FGFR1: variants seen among roughly 807,000 people sequenced by gnomAD.
FGFR1 encodes fibroblast growth factor receptor 1, also known as FGFR1/PLAG1 fusion.
A neutral mutation model predicts 93.7 loss-of-function variants in FGFR1; 18 were observed. That is an observed-to-expected ratio of 0.19 (90% CI 0.13 to 0.28). FGFR1 has a LOEUF of 0.28. Ranked by LOEUF, FGFR1 falls within the 10% of genes least tolerant of loss-of-function variation. The pLI is 1.00. For missense variants in FGFR1, 731 were observed against 1,080.4 expected (o/e 0.68, Z 4.53); for synonymous variants, 448 against 429.3 (o/e 1.04, Z -0.54).
chr8:38,423,311 AGTT>A, intron 7 of FGFR1: 4 of 351,850 alleles, frequency 1.1e-5, no homozygotes, highest in East Asian at 1.2e-4. Flanking sequence ...TTTCCCTTTT[AGTT>A]TTTTTTTTTT....
In FGFR1 at chr8:38,417,375, T is replaced by G; in HGVS notation, c.1594A>C (p.Met532Leu). The part of the protein sequence containing the change: ...EKDLSDLISE[M>L]EMMKMIGKHK... ...TTCCCGATCATCTTCATCATCTCCATTTCTGAGATCAGGTCTGACAAGTCT... is the reference window on the plus strand; with the variant it reads ...TTCCCGATCATCTTCATCATCTCCAGTTCTGAGATCAGGTCTGACAAGTCT... Residue 532 changes from methionine to leucine, a missense_variant, in exon 12 of 18, where the codon ATG becomes CTG. Around this residue, in one of 10 missense-constraint regions of FGFR1, gnomAD observed 62 missense variants for 99.5 expected, o/e 0.62. Coordinates refer to ENST00000447712, the MANE Select transcript of FGFR1 (RefSeq NM_023110.3). The G allele has an allele frequency of 1.9e-6, 3 of 1,614,082 alleles. No individual in the cohort carries two copies. Among genetic ancestry groups the G allele is most frequent in the Non-Finnish European group, 2.5e-6 (3 of 1,180,024 alleles).
chr8:38,418,523 G>A (rs1817584852), intron 9 of FGFR1, 150 bp from the exon 10 acceptor site: 7 of 1,005,030 alleles, frequency 7.0e-6, no homozygotes, highest in Non-Finnish European at 8.7e-6. Context: ...AAAGACCATG[G>A]TAGGCCAGGA....
At chr8:38,441,172 CT>C (rs1396831342) in intron 2 of FGFR1, among the ~76,000 whole-genome samples, 1 of 151,984 alleles carries the variant, frequency 6.6e-6, no homozygotes, top group Non-Finnish European at 1.5e-5. Context: ...GTGTGTGGAT[CT>C]TAAAAGACAG....
chr8:38,432,660 C>G (rs1823607977), intron 2 of FGFR1, among the ~76,000 whole-genome samples: 1 of 152,176 alleles, frequency 6.6e-6, no homozygotes, highest in African/African-American at 2.4e-5. Flanking sequence ...CTGCCTCGGC[C>G]TCCCAAAGTG....
chr8:38,413,549 A>G lies in FGFR1; in HGVS notation c.*79T>C. On this transcript the variant is annotated 3_prime_UTR_variant, in exon 18 of 18. Transcript: ENST00000447712. The surrounding 1 kb of genome is among the most constrained non-coding windows in gnomAD (Gnocchi z 4.2). ...CCAGCAGGAAAGGGGACAGGGACGGACAGGTGGTGGGCCCAGCAGGGGCTG... is the reference window on the plus strand; with the variant it reads ...CCAGCAGGAAAGGGGACAGGGACGGGCAGGTGGTGGGCCCAGCAGGGGCTG... 5 of 1,472,700 alleles carry G rather than the reference A, an allele frequency of 3.4e-6. No homozygotes were observed. Among genetic ancestry groups the G allele is most frequent in the Non-Finnish European group, 4.6e-6 (5 of 1,088,510 alleles). The allele number at this position is 1,472,700 out of a possible 1,614,324, so 91.2% of individuals were successfully genotyped here. A position where few individuals can be genotyped will look rare whatever the true frequency, so the allele number is the denominator to read the frequency against.
intron 2 of FGFR1, among the ~76,000 whole-genome samples, chr8:38,433,653 A>G (rs1372494539): frequency 1.3e-5 from 2 of 152,198 alleles, no homozygotes; most frequent in Non-Finnish European, 1.5e-5. Context: ...ACAAGAAACT[A>G]GGAAGCCTTG....
At chr8:38,419,212 C>T (rs1817828467) in intron 9 of FGFR1, among the ~76,000 whole-genome samples, 1 of 152,228 alleles carries the variant, frequency 6.6e-6, no homozygotes, top group Admixed American at 6.5e-5. Flanking sequence ...TACCCTGCAT[C>T]TCTGCACTTC....
intron 2 of FGFR1, among the ~76,000 whole-genome samples, chr8:38,441,365 A>G (rs554310209): frequency 2.0e-4 from 31 of 152,144 alleles, no homozygotes; most frequent in African/African-American, 7.2e-4. Flanking sequence ...CACAATGGGG[A>G]GTTCACTACC....
intron 2 of FGFR1, among the ~76,000 whole-genome samples, chr8:38,455,809 C>T (rs1296005534): frequency 2.6e-5 from 4 of 152,156 alleles, no homozygotes; most frequent in Admixed American, 2.6e-4. Context: ...CTGCTCCCCT[C>T]TTCCTCTGCA....
chr8:38,417,254 G>T (rs1816997173), intron 12 of FGFR1, 52 bp downstream of exon 12: 1 of 1,425,926 alleles, frequency 7.0e-7, no homozygotes, highest in African/African-American at 1.4e-5. Context: ...TGATACCCCA[G>T]CTCAGATCTT....
intron 9 of FGFR1, among the ~76,000 whole-genome samples, chr8:38,419,310 G>A (rs1472478706): frequency 6.6e-6 from 1 of 152,200 alleles, no homozygotes; most frequent in Non-Finnish European, 1.5e-5. Context: ...TGTCCCAGGA[G>A]TCCGGAGGAC....
intron 2 of FGFR1, among the ~76,000 whole-genome samples, chr8:38,447,852 A>G (rs1829841729): frequency 6.6e-6 from 1 of 152,186 alleles, no homozygotes; most frequent in East Asian, 1.9e-4. Context: ...ATAGTGATGT[A>G]ATAGTGATAA....
At position 38,426,425 on chromosome 8, in the gene FGFR1, G is replaced by T. The variant is rs1820779831; in HGVS notation, c.622-180C>A. Among the ~76,000 whole-genome samples the T allele has an allele frequency of 6.6e-6, 1 of 152,184 alleles. No homozygotes were observed. The highest frequency in any genetic ancestry group is 6.5e-5 in the Admixed American group (1 of 15,278). On this transcript the variant is annotated intron_variant, in intron 5 of 17. Transcript: ENST00000447712. This position sits in a 1 kb window ranked among gnomAD's most constrained non-coding sequence, Gnocchi z 4.1. ...CCCCCTACCAGCCCGTTCACACTCTGCAAGCTGGCAGATGGGGTGTAAAGA... is the reference window on the plus strand; with the variant it reads ...CCCCCTACCAGCCCGTTCACACTCTTCAAGCTGGCAGATGGGGTGTAAAGA...
rs1461875398 is a variant in FGFR1, at chr8:38,457,493, G to A, written c.-47C>T. 13 of 1,612,506 alleles carry A rather than the reference G, an allele frequency of 8.1e-6. No individual in the cohort carries two copies. Among genetic ancestry groups the A allele is most frequent in the Non-Finnish European group, 1.1e-5 (13 of 1,179,498 alleles). ...TGGTGACAAGGCTCCACATCTCCAT[G>A]GATACTCCACAGTGAGCTCGATCCT... is the stretch of plus-strand genomic sequence containing the variant. On this transcript the variant is annotated 5_prime_UTR_variant, in exon 2 of 18. Coordinates refer to ENST00000447712, the MANE Select transcript of FGFR1 (RefSeq NM_023110.3).
At chr8:38,433,474 C>G (rs1337155438) in intron 2 of FGFR1, among the ~76,000 whole-genome samples, 2 of 152,152 alleles carry the variant, frequency 1.3e-5, no homozygotes, top group African/African-American at 4.8e-5. Flanking sequence ...CAATGGCTGG[C>G]TTATTTTTGC....
At chr8:38,417,549 T>G in intron 11 of FGFR1, 133 bp from the exon 12 acceptor site, 2 of 835,430 alleles carry the variant, frequency 2.4e-6, no homozygotes, top group Non-Finnish European at 4.0e-6. Flanking sequence ...TCATCCAAAC[T>G]TGTTTTCTCT....
chr8:38,451,952 C>T (rs1483408934), intron 2 of FGFR1, among the ~76,000 whole-genome samples: 5 of 152,112 alleles, frequency 3.3e-5, no homozygotes, highest in Admixed American at 3.3e-4. Context: ...TCTTTCCAAA[C>T]AACTCCCTCA....
chr8:38,424,697 G>T lies in FGFR1; in HGVS notation c.748C>A (p.Arg250=). The T allele has an allele frequency of 6.2e-7, 1 of 1,609,994 alleles. No individual in the cohort carries two copies. ...TGCAGGATGGGCCGGTGAGGGGACC[G>T]CTCTGTGGAAGATGGGAGAGGAGGC... ...NHTYQLDVVE[R]SPHRPILQAG... The change falls in exon 7 of 18, where the codon CGG becomes AGG. Residue 250 remains arginine (R), a splice_region_variant and synonymous_variant. Transcript: ENST00000447712. The surrounding 1 kb of genome is among the most constrained non-coding windows in gnomAD (Gnocchi z 4.3).
At chr8:38,452,840 G>A (rs1831511467) in intron 2 of FGFR1, among the ~76,000 whole-genome samples, 1 of 152,186 alleles carries the variant, frequency 6.6e-6, no homozygotes, top group South Asian at 2.1e-4. Flanking sequence ...AGCTGGGCGT[G>A]GTGGCACGCG....
Sources: gnomAD v4.1 joint callset for allele counts (sites outside exome capture counted in the v4.1 genomes callset) on GRCh38, gnomAD v4.1.1 for gene constraint, gnomAD v4.1.1 regional missense constraint, Gnocchi (gnomAD v3.1) non-coding constraint, MANE v1.5 for transcripts, NCBI Gene and HGNC (gene_info 2026-07-23, HGNC 2026-07-21) for gene names.